Variants in PCDHGB6 observed in about 807,000 individuals in gnomAD.
PCDHGB6 encodes the protein protocadherin gamma-B6.
Under a neutral mutation model 59.1 loss-of-function variants are expected in PCDHGB6, and 51 were observed. The ratio of observed to expected loss-of-function variants is 0.86; its 90% confidence interval spans 0.69 to 1.09. PCDHGB6 has a LOEUF of 1.09. PCDHGB6 is among the 50% of genes least tolerant of loss of function. PCDHGB6 has a pLI of 0.00. For synonymous variants in PCDHGB6, 466 were observed against 495.1 expected (o/e 0.94, Z 0.78); for missense variants, 1,148 against 1,205.1 (o/e 0.95, Z 0.70).
rs530194567 is a variant in PCDHGB6, at chr5:141,417,884, C to G, written c.2418+7264C>G. On this transcript the variant is annotated intron_variant, in intron 1 of 3. Transcript: ENST00000520790. ...GATGGGAGGGAGCTGCGCGCAGAGG[C>G]GCCGGGCCGGCCCGCGGCAGGTACT... 2.1e-4 allele frequency: 327 copies of G among 1,561,600 alleles called. No individual in the cohort carries two copies. In the South Asian group the frequency reaches 3.4e-3, roughly 16 times the overall value.
intron 1 of PCDHGB6, chr5:141,419,715 T>C: frequency 6.2e-7 from 1 of 1,613,288 alleles, no homozygotes. Flanking sequence ...CTCTTCAGCC[T>C]GGGGCTGCGA....
intron 1 of PCDHGB6, among the ~76,000 whole-genome samples, chr5:141,472,648 C>G (rs762736307): frequency 1.3e-5 from 2 of 151,864 alleles, no homozygotes; most frequent in African/African-American, 4.8e-5. Flanking sequence ...TGTGTTGAAT[C>G]AGTATATAAA....
intron 1 of PCDHGB6, chr5:141,478,925 G>T: frequency 1.4e-6 from 1 of 700,562 alleles, no homozygotes; most frequent in Non-Finnish European, 2.2e-6. Context: ...TCTAACCAGT[G>T]GCAGCTTCTA....
Position 141,491,889 on chromosome 5 carries a change from C to T in PCDHGB6, c.2419-2918C>T, listed in dbSNP as rs2099734763. On this transcript the variant is annotated intron_variant, in intron 1 of 3. Transcript: ENST00000520790. The surrounding 1 kb of genome is among the most constrained non-coding windows in gnomAD (Gnocchi z 6.9). ...GAGTGGCCGATTAAGGGATGGGGCT[C>T]CGAGCACCGGGGGTGGTGGCGACTG... 11 of 1,441,360 alleles carry T rather than the reference C, an allele frequency of 7.6e-6. No individual in the cohort carries two copies. Among genetic ancestry groups the T allele is most frequent in the Non-Finnish European group, 1.0e-5 (11 of 1,090,600 alleles). 89.3% of individuals were successfully genotyped at this position (1,441,360 alleles called of 1,614,324 possible).
chr5:141,459,699 A>G (rs2098973201), intron 1 of PCDHGB6, among the ~76,000 whole-genome samples: 1 of 152,218 alleles, frequency 6.6e-6, no homozygotes, highest in Non-Finnish European at 1.5e-5. Flanking sequence ...TCCGCTTGCT[A>G]CATTTTCTCA....
rs370284141 is a variant in PCDHGB6, at chr5:141,421,654, G to A, written c.2418+11034G>A. On this transcript the variant is annotated intron_variant, in intron 1 of 3. Coordinates refer to ENST00000520790, the MANE Select transcript of PCDHGB6 (RefSeq NM_018926.3). ...CCAGGAGGACGAAGTGGAGATAAAA[G>A]TCAGTGAGCACGCAATTCCTGGGGC... The A allele has an allele frequency of 3.5e-5, 57 of 1,613,746 alleles. No individual in the cohort carries two copies. Among genetic ancestry groups the A allele is most frequent in the Admixed American group, 5.0e-5 (3 of 59,974 alleles).
Position 141,489,322 on chromosome 5 carries a change from T to C in PCDHGB6, c.2419-5485T>C. The C allele has an allele frequency of 6.2e-7, 1 of 1,601,052 alleles. No individual in the cohort carries two copies. Among genetic ancestry groups the C allele is most frequent in the Non-Finnish European group, 8.5e-7 (1 of 1,172,658 alleles). ...GTCCTTGTGCTGCTGGGGCTGGGTGTCTGGGCAGCTTCGTTACTCAGTGGT... is the reference window on the plus strand; with the variant it reads ...GTCCTTGTGCTGCTGGGGCTGGGTGCCTGGGCAGCTTCGTTACTCAGTGGT... On this transcript the variant is annotated intron_variant, in intron 1 of 3. Coordinates refer to ENST00000520790, the MANE Select transcript of PCDHGB6 (RefSeq NM_018926.3). The surrounding 1 kb of genome is among the most constrained non-coding windows in gnomAD (Gnocchi z 4.5).
intron 1 of PCDHGB6, among the ~76,000 whole-genome samples, chr5:141,484,023 G>A (rs67828357): frequency 0.059 from 8,857 of 150,044 alleles, 313 homozygotes; most frequent in South Asian, 0.11. Context: ...GGTGGGGTGA[G>A]ATCAAGTCTC....
rs2099170089 is a variant in PCDHGB6, at chr5:141,468,602, C to T, written c.2419-26205C>T. On this transcript the variant is annotated intron_variant, in intron 1 of 3. Coordinates refer to ENST00000520790, the MANE Select transcript of PCDHGB6 (RefSeq NM_018926.3). ...GTACTAAAGGCTGGGCGCGGTGGCT[C>T]ACGCCTGTAATCCCAGCACTTTGGG... The T allele has an allele frequency of 2.6e-5, 4 of 152,284 alleles. No individual in the cohort carries two copies. The South Asian group carries it at 8.3e-4, about 32-fold the overall frequency. 9.4% of individuals were successfully genotyped at this position (152,284 alleles called of 1,614,324 possible).
At position 141,487,681 on chromosome 5, in the gene PCDHGB6, T is replaced by C. The variant is rs754032560; in HGVS notation, c.2419-7126T>C. The stretch of plus-strand genomic sequence containing the variant: ...CTGATCCAGGCATATGGCTAGGCCA[T>C]GTCCTAGAGAGTACTGGCCTCTCAG... On this transcript the variant is annotated intron_variant, in intron 1 of 3. Coordinates refer to ENST00000520790, the MANE Select transcript of PCDHGB6 (RefSeq NM_018926.3). The surrounding 1 kb of genome is among the most constrained non-coding windows in gnomAD (Gnocchi z 5.0). 1.1e-5 allele frequency: 18 copies of C among 1,608,852 alleles called. No individual in the cohort carries two copies. The highest frequency in any genetic ancestry group is 4.5e-5 in the East Asian group (2 of 44,816).
Position 141,491,176 on chromosome 5 carries a change from G to A in PCDHGB6, c.2419-3631G>A. The A allele has an allele frequency of 1.2e-6, 2 of 1,614,210 alleles. No homozygotes were observed. The highest frequency in any genetic ancestry group is 8.5e-7 in the Non-Finnish European group (1 of 1,180,024). On this transcript the variant is annotated intron_variant, in intron 1 of 3. Transcript: ENST00000520790. The surrounding 1 kb of genome is among the most constrained non-coding windows in gnomAD (Gnocchi z 6.9). ...TGACTCTGACACCCAGCAGGTGGTG[G>A]TCCTGGTGAGGGACAATGGTGACCC...
Position 141,410,329 on chromosome 5 carries a change from G to A in PCDHGB6, c.2127G>A (p.Leu709=). ...TGCTCTTCCTCCTCGCCGTGATTCT[G>A]GCCATTGCCTTGCGCCTGCGACGCT... The part of the protein sequence containing the change: ...ISVLFLLAVI[L]AIALRLRRSL... The change falls in exon 1 of 4, where the codon CTG becomes CTA. Residue 709 remains leucine (L), a synonymous_variant. Coordinates refer to ENST00000520790, the MANE Select transcript of PCDHGB6 (RefSeq NM_018926.3). 2.5e-6 allele frequency: 4 copies of A among 1,613,982 alleles called. No homozygotes were observed. Among genetic ancestry groups the A allele is most frequent in the Non-Finnish European group, 3.4e-6 (4 of 1,179,892 alleles).
Position 141,490,310 on chromosome 5 carries a change from AC to A in PCDHGB6, c.2419-4494del. 1 of 1,614,084 alleles carries A rather than the reference AC, an allele frequency of 6.2e-7. No homozygotes were observed. The highest frequency in any genetic ancestry group is 8.5e-7 in the Non-Finnish European group (1 of 1,180,012). ...GAGGTGCTATTGGCCTCTTTGGCCA[AC>A]CCTGTCCTAGAGAGCACACCAGTGG... is the stretch of plus-strand genomic sequence containing the variant. On this transcript the variant is annotated intron_variant, in intron 1 of 3. Transcript: ENST00000520790. This position sits in a 1 kb window ranked among gnomAD's most constrained non-coding sequence, Gnocchi z 5.4.
chr5:141,498,306 A>C (rs2099783027), intron 2 of PCDHGB6, among the ~76,000 whole-genome samples: 1 of 151,810 alleles, frequency 6.6e-6, no homozygotes, highest in African/African-American at 2.4e-5. Flanking sequence ...TCTGGGTCAC[A>C]CTGCCTACAC....
chr5:141,501,290 T>TACACATACACAC (rs1224133816), intron 2 of PCDHGB6, among the ~76,000 whole-genome samples: 9 of 136,158 alleles, frequency 6.6e-5, no homozygotes, highest in Admixed American at 1.6e-4. Context: ...TATTCCCTTA[T>TACACATACACAC]ACACACACAC....
At chr5:141,426,810 C>T (rs769435523) in intron 1 of PCDHGB6, 4 of 456,568 alleles carry the variant, frequency 8.8e-6, no homozygotes, top group Non-Finnish European at 1.8e-5. Flanking sequence ...TTCTAATGAA[C>T]ATTTCTCTCT....
At position 141,422,030 on chromosome 5, in the gene PCDHGB6, C is replaced by T. The variant is rs1404612424; in HGVS notation, c.2418+11410C>T. ...ACTCGGGTGCTGATGGTTAATGCAA[C>T]GGATCCAGACGAGGGAATCAACGGG... On this transcript the variant is annotated intron_variant, in intron 1 of 3. Coordinates refer to ENST00000520790, the MANE Select transcript of PCDHGB6 (RefSeq NM_018926.3). 3 of 1,609,592 alleles carry T rather than the reference C, an allele frequency of 1.9e-6. No homozygotes were observed. The South Asian group carries it at 3.3e-5, about 18-fold the overall frequency.
rs772158163 is a variant in PCDHGB6, at chr5:141,410,435, G to A, written c.2233G>A (p.Glu745Lys). The change falls in exon 1 of 4, where the codon GAG becomes AAG. Residue 745 changes from glutamate to lysine, a missense_variant. By Grantham distance (56) the Glu-to-Lys change is moderately conservative (BLOSUM62 1). Coordinates refer to ENST00000520790, the MANE Select transcript of PCDHGB6 (RefSeq NM_018926.3). ...ACCTGTAGTTCCCCCCAACTACAGTGAGGGGACTTTGCCTTATTCTTATAA... is the reference window on the plus strand; with the variant it reads ...ACCTGTAGTTCCCCCCAACTACAGTAAGGGGACTTTGCCTTATTCTTATAA... ...SGPVVPPNYS[E>K]GTLPYSYNLC... The A allele has an allele frequency of 6.2e-7, 1 of 1,614,054 alleles. No homozygotes were observed. Among genetic ancestry groups the A allele is most frequent in the Non-Finnish European group, 8.5e-7 (1 of 1,179,910 alleles).
chr5:141,415,515 G>A (rs752258863), intron 1 of PCDHGB6: 5 of 1,614,152 alleles, frequency 3.1e-6, no homozygotes, highest in South Asian at 1.1e-5. Flanking sequence ...CCAATTATGC[G>A]GACACGCTCA....
Sources: gnomAD v4.1 joint callset for allele counts (sites outside exome capture counted in the v4.1 genomes callset) on GRCh38, gnomAD v4.1.1 for gene constraint, Gnocchi (gnomAD v3.1) non-coding constraint, MANE v1.5 for transcripts, NCBI Gene and HGNC (gene_info 2026-07-23, HGNC 2026-07-21) for gene names.